The following SCP2 variants were observed in gnomAD, a reference collection of about 807,000 sequenced individuals.
SCP2 encodes sterol carrier protein 2, also known as SCP-2/3-oxoacyl-CoA thiolase.
SCP2 carries 48 observed loss-of-function variants against 71.4 expected under a neutral mutation model. That is an observed-to-expected ratio of 0.67 (90% CI 0.53 to 0.86). SCP2 has a LOEUF of 0.86. SCP2 is among the 40% of genes least tolerant of loss of function. The pLI, the probability that SCP2 is intolerant of heterozygous loss-of-function variation, is 0.00. For missense variants in SCP2, 560 were observed against 655.6 expected (o/e 0.85, Z 1.59); for synonymous variants, 220 against 218.1 (o/e 1.01, Z -0.08).
intron 4 of SCP2, among the ~76,000 whole-genome samples, chr1:52,952,174 C>G (rs997313860): frequency 1.3e-5 from 2 of 152,056 alleles, no homozygotes; most frequent in South Asian, 4.1e-4. Context: ...AATTTACTTT[C>G]TTTTTGTGGA....
chr1:52,953,992 A>C (rs1157897011), intron 4 of SCP2, among the ~76,000 whole-genome samples: 41 of 144,082 alleles, frequency 2.8e-4, no homozygotes, highest in African/African-American at 9.2e-4. Flanking sequence ...AAAAAAAAAA[A>C]CAAAAAAAAC....
At chr1:52,931,791 A>G (rs1653173052) in intron 1 of SCP2, among the ~76,000 whole-genome samples, 1 of 152,178 alleles carries the variant, frequency 6.6e-6, no homozygotes, top group Non-Finnish European at 1.5e-5. Flanking sequence ...GACAACGTCA[A>G]CCCCCTACTC....
intron 10 of SCP2, among the ~76,000 whole-genome samples, chr1:52,984,273 G>A (rs1480699529): frequency 6.6e-6 from 1 of 152,194 alleles, no homozygotes; most frequent in East Asian, 1.9e-4. Context: ...TTGAGAGAGA[G>A]AGAGCCTAAA....
intron 13 of SCP2, among the ~76,000 whole-genome samples, chr1:53,033,696 T>C (rs551876292): frequency 6.6e-6 from 1 of 151,008 alleles, no homozygotes; most frequent in African/African-American, 2.4e-5. Flanking sequence ...TGTGGAGAAA[T>C]TGGAAACCCT....
intron 11 of SCP2, chr1:52,994,138 A>G: frequency 9.5e-7 from 1 of 1,056,560 alleles, no homozygotes; most frequent in Non-Finnish European, 1.1e-6. Flanking sequence ...TTATTCCTCA[A>G]AAGAATTAGA....
At chr1:52,949,806 A>G (rs1400506749) in intron 3 of SCP2, among the ~76,000 whole-genome samples, 1 of 152,220 alleles carries the variant, frequency 6.6e-6, no homozygotes, top group Non-Finnish European at 1.5e-5. Context: ...TAAGAATGTA[A>G]AGTGTAATGA....
At chr1:52,978,433 G>A (rs779336359) in intron 9 of SCP2, 66 bp downstream of exon 9, 18 of 1,262,512 alleles carry the variant, frequency 1.4e-5, no homozygotes, top group Non-Finnish European at 1.7e-5. Flanking sequence ...TTGTGATGGA[G>A]CCATGCATTA....
intron 12 of SCP2, among the ~76,000 whole-genome samples, chr1:53,024,086 G>C (rs1462632939): frequency 1.3e-5 from 2 of 152,096 alleles, no homozygotes; most frequent in African/African-American, 4.8e-5. Flanking sequence ...AGGCATACCT[G>C]TTCTGATTTG....
intron 13 of SCP2, among the ~76,000 whole-genome samples, chr1:53,035,963 TGAGCCGA>T (rs1662902135): frequency 7.2e-6 from 1 of 138,662 alleles, no homozygotes; most frequent in South Asian, 2.2e-4. Flanking sequence ...GAGCTTGCAG[TGAGCCGA>T]GATCAGGCCA....
At chr1:52,931,617 G>A (rs75667442) in intron 1 of SCP2, among the ~76,000 whole-genome samples, 5,248 of 152,274 alleles carry the variant, frequency 0.034, 315 homozygotes, top group African/African-American at 0.12. Flanking sequence ...AAATTATTTG[G>A]AATGGCTGCA....
At chr1:52,982,281 T>TC (rs1309286623) in intron 10 of SCP2, among the ~76,000 whole-genome samples, 2 of 152,060 alleles carry the variant, frequency 1.3e-5, no homozygotes, top group East Asian at 3.9e-4. Context: ...GTAAAATCTC[T>TC]CCCAGTTGGC....
chr1:52,953,742 A>C (rs1655529882), intron 4 of SCP2, among the ~76,000 whole-genome samples: 1 of 150,644 alleles, frequency 6.6e-6, no homozygotes, highest in Non-Finnish European at 1.5e-5. Context: ...TAATCCCAGC[A>C]CTTTGGGAAG....
chr1:53,042,524 AC>A (rs1275803544), intron 14 of SCP2, among the ~76,000 whole-genome samples: 18 of 152,114 alleles, frequency 1.2e-4, no homozygotes. Context: ...AAGGGATCTT[AC>A]CCTGGGGAAG....
chr1:52,932,409 A>T (rs902354437), intron 1 of SCP2, among the ~76,000 whole-genome samples: 11 of 152,178 alleles, frequency 7.2e-5, no homozygotes, highest in South Asian at 2.1e-4. Context: ...GTAGAAAAAA[A>T]TTTTTTAATG....
At chr1:52,947,929 A>G in intron 2 of SCP2, 80 bp from the exon 3 acceptor site, 1 of 947,900 alleles carries the variant, frequency 1.1e-6, no homozygotes, top group South Asian at 1.3e-5. Flanking sequence ...GTTTACTTTG[A>G]GAAAACTCTA....
intron 15 of SCP2, chr1:53,048,908 A>T (rs2150279764): frequency 6.6e-6 from 1 of 152,346 alleles, no homozygotes; most frequent in East Asian, 1.9e-4. Context: ...CTGTTGTCTC[A>T]GTCTGGTTTG....
At chr1:52,959,119 A>AT (rs912830012) in intron 5 of SCP2, among the ~76,000 whole-genome samples, 1 of 151,204 alleles carries the variant, frequency 6.6e-6, no homozygotes, top group African/African-American at 2.4e-5. Context: ...GTAAATTGGT[A>AT]TTTTTTTCTC....
At chr1:52,934,520 A>G (rs530131293) in intron 1 of SCP2, among the ~76,000 whole-genome samples, 75 of 150,878 alleles carry the variant, frequency 5.0e-4, no homozygotes, top group Non-Finnish European at 2.9e-4. Context: ...ATCCATTCAA[A>G]TACAATATTT....
In SCP2 at chr1:53,032,892, A is replaced by C. The variant is rs537671664; in HGVS notation, c.1338+4821A>C. Among the ~76,000 whole-genome samples, 4 of 81,362 alleles carry C rather than the reference A, an allele frequency of 4.9e-5. No homozygotes were observed. The South Asian group carries it at 1.3e-3, about 27-fold the overall frequency. 53.4% of individuals were successfully genotyped at this position (81,362 alleles called of 152,430 possible). On this transcript the variant is annotated intron_variant, in intron 13 of 15. Coordinates refer to ENST00000371514, the MANE Select transcript of SCP2 (RefSeq NM_002979.5). Reference sequence around the variant, plus strand: ...TTTGTGAAGATTAAAGAAATTATATATACAAAATATATTTAATACAAAAGT... The same window carrying C: ...TTTGTGAAGATTAAAGAAATTATATCTACAAAATATATTTAATACAAAAGT...
Sources: gnomAD v4.1 joint callset for allele counts (sites outside exome capture counted in the v4.1 genomes callset) on GRCh38, gnomAD v4.1.1 for gene constraint, MANE v1.5 for transcripts, NCBI Gene and HGNC (gene_info 2026-07-23, HGNC 2026-07-21) for gene names.